Variants in AFG2A observed in about 807,000 individuals in gnomAD.
AFG2A encodes AAA ATPase AFG2A.
chr4:123,282,275 C>T, the AFG2A span, among the ~76,000 whole-genome samples: 1 of 152,176 alleles, frequency 6.6e-6, no homozygotes, highest in Non-Finnish European at 1.5e-5. Flanking sequence ...CTTTCCTCAT[C>T]TCCACTGCCT....
At chr4:123,235,309 G>A in the AFG2A span, among the ~76,000 whole-genome samples, 1 of 152,114 alleles carries the variant, frequency 6.6e-6, no homozygotes, top group Admixed American at 6.6e-5. Context: ...ATACAAGAAG[G>A]CATGTGTATG....
At chr4:123,182,928 G>A in the AFG2A span, among the ~76,000 whole-genome samples, 1,691 of 152,270 alleles carry the variant, frequency 0.011, 40 homozygotes, top group African/African-American at 0.038. Flanking sequence ...TTGGTTTTGC[G>A]TTATACACAG....
chr4:123,237,904 G>C, the AFG2A span, among the ~76,000 whole-genome samples: 46 of 152,198 alleles, frequency 3.0e-4, no homozygotes, highest in South Asian at 7.1e-3. Context: ...AAGGGGTTGT[G>C]GGATTTCCCT....
chr4:123,187,466 C>T, the AFG2A span, among the ~76,000 whole-genome samples: 2 of 152,052 alleles, frequency 1.3e-5, no homozygotes, highest in East Asian at 3.8e-4. Context: ...GGTCTTCGTT[C>T]AAAAGCACAT....
chr4:123,005,101 T>G, the AFG2A span, among the ~76,000 whole-genome samples: 1 of 152,206 alleles, frequency 6.6e-6, no homozygotes, highest in Non-Finnish European at 1.5e-5. Flanking sequence ...CTTTCTCTTT[T>G]CCTTGGCTAG....
the AFG2A span, among the ~76,000 whole-genome samples, chr4:122,998,005 T>C: frequency 1.3e-5 from 2 of 152,212 alleles, no homozygotes; most frequent in African/African-American, 4.8e-5. Flanking sequence ...TGTCTTTGTA[T>C]TATTGAGTTG....
the AFG2A span, among the ~76,000 whole-genome samples, chr4:123,190,072 T>C: frequency 1.2e-4 from 18 of 152,094 alleles, 1 homozygote; most frequent in Admixed American, 1.2e-3. Flanking sequence ...AGTGCTGGGA[T>C]TACAGGTGTG....
chr4:123,234,322 A>C, the AFG2A span, among the ~76,000 whole-genome samples: 2 of 152,116 alleles, frequency 1.3e-5, no homozygotes, highest in Admixed American at 1.3e-4. Context: ...ACAATTACTT[A>C]ACGTCTTCAA....
chr4:122,923,139 G>A, the AFG2A span: 9 of 1,614,022 alleles, frequency 5.6e-6, no homozygotes, highest in East Asian at 1.3e-4. Flanking sequence ...GGTACCTTGT[G>A]ACCATGTCTT....
At chr4:123,116,168 C>A in the AFG2A span, among the ~76,000 whole-genome samples, 183 of 152,248 alleles carry the variant, frequency 1.2e-3, no homozygotes, top group African/African-American at 4.1e-3. Flanking sequence ...CAAAGTGCCA[C>A]CACACCCAGG....
At chr4:123,288,388 A>T in the AFG2A span, among the ~76,000 whole-genome samples, 3 of 149,582 alleles carry the variant, frequency 2.0e-5, no homozygotes, top group Non-Finnish European at 4.5e-5. Flanking sequence ...AAATAGAAGG[A>T]TTGATCTTGG....
the AFG2A span, among the ~76,000 whole-genome samples, chr4:123,179,115 G>A: frequency 1.3e-5 from 2 of 152,130 alleles, no homozygotes; most frequent in South Asian, 4.1e-4. Flanking sequence ...GTAAGAAGCC[G>A]AAAAGAATGA....
At chr4:123,131,104 C>A in the AFG2A span, among the ~76,000 whole-genome samples, 5 of 152,066 alleles carry the variant, frequency 3.3e-5, no homozygotes. Flanking sequence ...TTTACCCTTT[C>A]AATGGGTTGT....
At chr4:123,140,331 G>T in the AFG2A span, among the ~76,000 whole-genome samples, 3 of 152,114 alleles carry the variant, frequency 2.0e-5, no homozygotes, top group Admixed American at 6.5e-5. Flanking sequence ...AATGGATTTG[G>T]TGCTTAAAAT....
chr4:123,309,809 G>A, the AFG2A span, among the ~76,000 whole-genome samples: 1 of 152,188 alleles, frequency 6.6e-6, no homozygotes, highest in Non-Finnish European at 1.5e-5. Flanking sequence ...TCTGTAACAT[G>A]TCTGGTCCCA....
the AFG2A span, among the ~76,000 whole-genome samples, chr4:123,107,528 G>A: frequency 2.0e-5 from 3 of 151,844 alleles, no homozygotes; most frequent in African/African-American, 2.4e-5. Context: ...AGCACCCTAA[G>A]TTCTCACTCT....
the AFG2A span, among the ~76,000 whole-genome samples, chr4:123,290,765 A>C: frequency 6.6e-6 from 1 of 152,064 alleles, no homozygotes; most frequent in Admixed American, 6.6e-5. Flanking sequence ...GGAAAGACCC[A>C]CCCCCATAAT....
chr4:123,181,125 C>T, the AFG2A span, among the ~76,000 whole-genome samples: 117 of 152,152 alleles, frequency 7.7e-4, no homozygotes, highest in Non-Finnish European at 1.3e-3. Context: ...GGTGGGACTA[C>T]AGGCACCCGC....
chr4:123,065,065 C>A, the AFG2A span, among the ~76,000 whole-genome samples: 12 of 152,252 alleles, frequency 7.9e-5, no homozygotes, highest in East Asian at 1.5e-3. Flanking sequence ...AGAGCAGATA[C>A]CCTGAGCCAC....
Sources: gnomAD v4.1 joint callset for allele counts (sites outside exome capture counted in the v4.1 genomes callset) on GRCh38, gnomAD v4.1.1 for gene constraint, MANE v1.5 for transcripts, NCBI Gene and HGNC (gene_info 2026-07-23, HGNC 2026-07-21) for gene names.